The following JARID2 variants were observed in gnomAD, a reference collection of about 807,000 sequenced individuals.
JARID2 encodes the protein jumonji and AT-rich interaction domain containing 2, also known as protein Jumonji.
JARID2 carries 21 observed loss-of-function variants against 125.6 expected under a neutral mutation model. That is an observed-to-expected ratio of 0.17 (90% CI 0.12 to 0.24). JARID2 has a LOEUF of 0.24. Among genes scored for constraint, JARID2 ranks in the 10% least tolerant of loss-of-function variants. The probability of loss-of-function intolerance (pLI) is 1.00; values close to 1 mark genes in which losing one functional copy is unlikely to be tolerated. For synonymous variants in JARID2, 736 were observed against 661.6 expected (o/e 1.11, Z -1.73); for missense variants, 1,303 against 1,639.6 (o/e 0.79, Z 3.55).
chr6:15,304,637 A>G lies in JARID2; in HGVS notation c.45+58053A>G, dbSNP rs181369008. Among the ~76,000 whole-genome samples, 320 of 152,154 alleles carry G rather than the reference A, an allele frequency of 2.1e-3. 1 individual carries two copies. The highest frequency in any genetic ancestry group is 3.8e-3 in the Non-Finnish European group (260 of 68,016). On this transcript the variant is annotated intron_variant, in intron 1 of 17. Coordinates refer to ENST00000341776, the MANE Select transcript of JARID2 (RefSeq NM_004973.4). ...AATCATCTCTTTAAAAAAATCAATC[A>G]ACAAATATTTATTGAACGTTTCCTT...
At chr6:15,442,615 C>T (rs1368384661) in intron 3 of JARID2, among the ~76,000 whole-genome samples, 2 of 152,176 alleles carry the variant, frequency 1.3e-5, no homozygotes, top group African/African-American at 4.8e-5. Flanking sequence ...CGGGGTTATG[C>T]CGTGTGGGGA....
chr6:15,406,954 A>G (rs544003823), intron 2 of JARID2, among the ~76,000 whole-genome samples: 36 of 151,936 alleles, frequency 2.4e-4, no homozygotes, highest in African/African-American at 8.4e-4. Flanking sequence ...TTTTTCTGCA[A>G]AATTATTGAT....
chr6:15,348,926 C>T (rs1763336321), intron 1 of JARID2, among the ~76,000 whole-genome samples: 1 of 152,186 alleles, frequency 6.6e-6, no homozygotes, highest in Non-Finnish European at 1.5e-5. Flanking sequence ...AGCATACCAT[C>T]TGAAGCAATA....
At position 15,319,798 on chromosome 6, in the gene JARID2, C is replaced by G. The variant is rs142600564; in HGVS notation, c.46-54319C>G. On this transcript the variant is annotated intron_variant, in intron 1 of 17. Transcript: ENST00000341776. ...TTTATATGATGAAAAACTACCTAATCAATGGTTGCAGATTATGTAAATTAA... is the reference window on the plus strand; with the variant it reads ...TTTATATGATGAAAAACTACCTAATGAATGGTTGCAGATTATGTAAATTAA... 7.0e-3 allele frequency among the ~76,000 whole-genome samples: 1,059 copies of G among 152,296 alleles called. 8 individuals are homozygous for G. Among genetic ancestry groups the G allele is most frequent in the Admixed American group, 0.022 (333 of 15,298 alleles).
At chr6:15,319,760 A>G (rs1385458160) in intron 1 of JARID2, among the ~76,000 whole-genome samples, 1 of 152,178 alleles carries the variant, frequency 6.6e-6, no homozygotes, top group Non-Finnish European at 1.5e-5. Context: ...TAACCTGAGG[A>G]TGGCCCTTTA....
intron 1 of JARID2, among the ~76,000 whole-genome samples, chr6:15,273,384 C>T (rs1349747027): frequency 1.3e-5 from 2 of 152,158 alleles, no homozygotes; most frequent in African/African-American, 4.8e-5. Context: ...GAATGATTTT[C>T]AACTAATGGT....
At chr6:15,307,215 C>T (rs753707170) in intron 1 of JARID2, among the ~76,000 whole-genome samples, 6 of 152,054 alleles carry the variant, frequency 3.9e-5, no homozygotes, top group Non-Finnish European at 7.4e-5. Context: ...GCACTCCAGT[C>T]TGGGCTACAG....
At chr6:15,430,696 C>CT (rs1766931638) in intron 3 of JARID2, among the ~76,000 whole-genome samples, 1 of 152,162 alleles carries the variant, frequency 6.6e-6, no homozygotes, top group South Asian at 2.1e-4. Context: ...TCAGTGCCTA[C>CT]TTACCTGGGG....
At chr6:15,254,942 C>T (rs939608842) in intron 1 of JARID2, among the ~76,000 whole-genome samples, 5 of 150,794 alleles carry the variant, frequency 3.3e-5, no homozygotes, top group East Asian at 3.9e-4. Flanking sequence ...CTTGGAAGGC[C>T]GAGGCAGGAG....
chr6:15,504,596 AGAG>A lies in JARID2; in HGVS notation c.2541+5_2541+7del. On this transcript the variant is annotated splice_donor_5th_base_variant and intron_variant, in intron 9 of 17. Coordinates refer to ENST00000341776, the MANE Select transcript of JARID2 (RefSeq NM_004973.4). Reference sequence around the variant, plus strand: ...GCCTGCCCCAGCCGAAATCGAGGTGAGAGAAGGGGCCCCTCACGCTGCCTCTCA... The same window carrying A: ...GCCTGCCCCAGCCGAAATCGAGGTGAAAGGGGCCCCTCACGCTGCCTCTCA... The A allele has an allele frequency of 1.2e-6, 2 of 1,607,026 alleles. No homozygotes were observed. Among genetic ancestry groups the A allele is most frequent in the Non-Finnish European group, 1.7e-6 (2 of 1,173,556 alleles).
chr6:15,509,960 A>G (rs1010096270), intron 12 of JARID2, among the ~76,000 whole-genome samples: 8 of 152,186 alleles, frequency 5.3e-5, no homozygotes, highest in South Asian at 2.1e-4. Context: ...TAAATTACCA[A>G]TCAGTAACAG....
Position 15,319,340 on chromosome 6 carries a change from C to T in JARID2, c.46-54777C>T, listed in dbSNP as rs1430176131. On this transcript the variant is annotated intron_variant, in intron 1 of 17. Coordinates refer to ENST00000341776, the MANE Select transcript of JARID2 (RefSeq NM_004973.4). ...CATATCTTTTGTAACTTTTTCCTCT[C>T]TGTGGTTCTGCAGTAGCCATTTTGT... is the stretch of plus-strand genomic sequence containing the variant. 2.6e-5 allele frequency among the ~76,000 whole-genome samples: 4 copies of T among 152,118 alleles called. No homozygotes were observed. In the East Asian group the frequency reaches 7.7e-4, roughly 29 times the overall value.
intron 6 of JARID2, among the ~76,000 whole-genome samples, chr6:15,487,762 A>G (rs1335590298): frequency 6.6e-6 from 1 of 152,228 alleles, no homozygotes; most frequent in Non-Finnish European, 1.5e-5. Context: ...CCTGGGTGCC[A>G]CTGCATTCAC....
In JARID2 at chr6:15,343,856, C is replaced by T. The variant is rs117256980; in HGVS notation, c.46-30261C>T. ...AAAGCAGTTGTTTTGAGAATAACTT[C>T]GGTGCCCTGGACTTACATTACAAGA... is the stretch of plus-strand genomic sequence containing the variant. On this transcript the variant is annotated intron_variant, in intron 1 of 17. Transcript: ENST00000341776. 4.1e-4 allele frequency among the ~76,000 whole-genome samples: 63 copies of T among 152,260 alleles called. No individual in the cohort carries two copies. In the East Asian group the frequency reaches 0.011, roughly 26 times the overall value.
chr6:15,466,083 C>T (rs997727334), intron 4 of JARID2, among the ~76,000 whole-genome samples: 1 of 152,144 alleles, frequency 6.6e-6, no homozygotes, highest in Non-Finnish European at 1.5e-5. Context: ...GGATTACAGG[C>T]GTGAGCCACC....
chr6:15,401,173 T>A (rs893861621), intron 2 of JARID2, among the ~76,000 whole-genome samples: 2 of 151,964 alleles, frequency 1.3e-5, no homozygotes, highest in Non-Finnish European at 2.9e-5. Flanking sequence ...TATATATATA[T>A]GAGAGACTAT....
chr6:15,493,122 G>A (rs539005034), intron 6 of JARID2, among the ~76,000 whole-genome samples: 1 of 152,138 alleles, frequency 6.6e-6, no homozygotes, highest in South Asian at 2.1e-4. Flanking sequence ...CGAGAAGCCA[G>A]AATGGATGGA....
At chr6:15,372,724 T>A (rs1764218956) in intron 1 of JARID2, among the ~76,000 whole-genome samples, 1 of 151,966 alleles carries the variant, frequency 6.6e-6, no homozygotes, top group Non-Finnish European at 1.5e-5. Flanking sequence ...TTATTTTTTT[T>A]TTTGAGACTG....
chr6:15,280,024 G>A (rs373556457), intron 1 of JARID2, among the ~76,000 whole-genome samples: 1 of 152,014 alleles, frequency 6.6e-6, no homozygotes, highest in African/African-American at 2.4e-5. Flanking sequence ...GAACATCTGG[G>A]GCACTTACCA....
Sources: gnomAD v4.1 joint callset for allele counts (sites outside exome capture counted in the v4.1 genomes callset) on GRCh38, gnomAD v4.1.1 for gene constraint, MANE v1.5 for transcripts, NCBI Gene and HGNC (gene_info 2026-07-23, HGNC 2026-07-21) for gene names.